IQSEC2: variants seen among roughly 807,000 people sequenced by gnomAD.
IQSEC2 encodes the protein IQ motif and SEC7 domain-containing protein 2.
IQSEC2 carries 6 observed loss-of-function variants against 74.6 expected under a neutral mutation model. The observed-to-expected ratio is 0.08, with a 90% CI of 0.04 to 0.16. The LOEUF (loss-of-function observed/expected upper bound fraction) is 0.16, where lower values mean the gene tolerates loss of function less well. Among genes scored for constraint, IQSEC2 ranks in the 10% least tolerant of loss-of-function variants. IQSEC2 has a pLI of 1.00. For synonymous variants in IQSEC2, 494 were observed against 544.5 expected, an observed-to-expected ratio of 0.91 and a Z score of 1.29; for missense variants, 734 against 1,306.2, an observed-to-expected ratio of 0.56 and a Z score of 6.75.
chrX:53,302,023 C>A (rs183786294), intron 1 of IQSEC2, among the ~76,000 whole-genome samples: 66 of 112,216 alleles, frequency 5.9e-4, no homozygotes, highest in Admixed American at 5.0e-3. Flanking sequence ...TCCAGCTATG[C>A]GATTTATGAC....
chrX:53,266,739 G>C, intron 2 of IQSEC2: 8 of 970,476 alleles, frequency 8.2e-6, no homozygotes, highest in Non-Finnish European at 1.0e-5. Context: ...TCGGACCTAG[G>C]GCTCCAGCTC....
At chrX:53,282,028 C>T (rs1337837850) in intron 2 of IQSEC2, among the ~76,000 whole-genome samples, 1 of 112,297 alleles carries the variant, frequency 8.9e-6, no homozygotes, top group Non-Finnish European at 1.9e-5. Context: ...ATTTTCAGCA[C>T]AGTTAAAGAG....
chrX:53,228,409 G>A (rs782605229), downstream of IQSEC2, among the ~76,000 whole-genome samples: 8 of 111,440 alleles, frequency 7.2e-5, no homozygotes, highest in African/African-American at 2.6e-4. Context: ...GGGGACAACC[G>A]GAGTCTAGAC....
At chrX:53,310,847 G>A (rs1294651930) in intron 1 of IQSEC2, among the ~76,000 whole-genome samples, 1 of 110,080 alleles carries the variant, frequency 9.1e-6, no homozygotes, top group Non-Finnish European at 1.9e-5. Flanking sequence ...TGCACTGGGC[G>A]CAGTGGCTCA....
chrX:53,310,803 G>A, intron 1 of IQSEC2, among the ~76,000 whole-genome samples: 1 of 110,794 alleles, frequency 9.0e-6, no homozygotes, highest in Non-Finnish European at 1.9e-5. Context: ...GCCTGAGCTA[G>A]GGGGAGAAAG....
rs1486562290 is a variant in IQSEC2 at position 53,321,320 on chromosome X, T to TGCC, written c.-200_-198dup. 2 of 257,377 alleles carry TGCC rather than the reference T, an allele frequency of 7.8e-6. No homozygotes were observed. The highest frequency in any genetic ancestry group is 3.0e-5 in the African/African-American group (1 of 33,728). The allele number at this position is 257,377 out of a possible 1,213,427, so 21.2% of individuals were successfully genotyped here. On this transcript the variant is annotated 5_prime_UTR_variant, in exon 1 of 15. Transcript: ENST00000642864. Reference sequence around the variant, plus strand: ...CGGCACGGGGAGCAGGAGCTGAGGCTGCCGCCGCCACCACCACCACCACAG... The same window carrying TGCC: ...CGGCACGGGGAGCAGGAGCTGAGGCTGCCGCCGCCGCCACCACCACCACCACAG...
chrX:53,243,363 G>A lies in IQSEC2; in HGVS notation c.2858C>T (p.Ala953Val), dbSNP rs1556861322. 8.6e-7 allele frequency: 1 copy of A among 1,167,010 alleles called. No individual in the cohort carries two copies. The highest frequency in any genetic ancestry group is 3.3e-5 in the East Asian group (1 of 30,739). ...CTTTCCAACAATCATGCGCTCCACAGCCTGCACCTGGGACACATGGTCATC... is the reference window on the plus strand; with the variant it reads ...CTTTCCAACAATCATGCGCTCCACAACCTGCACCTGGGACACATGGTCATC... ...TNDDHVSQVQ[A>V]VERMIVGKKP... is the part of the protein sequence containing the mutation. The change falls in exon 9 of 15, where the codon GCT becomes GTT. Residue 953 changes from alanine (A) to valine (V), a missense_variant. By Grantham distance (64) the Ala-to-Val change is moderately conservative. Coordinates refer to ENST00000642864, the MANE Select transcript of IQSEC2 (RefSeq NM_001111125.3).
intron 8 of IQSEC2, among the ~76,000 whole-genome samples, chrX:53,244,362 C>CA (rs2074270652): frequency 9.1e-6 from 1 of 110,066 alleles, no homozygotes; most frequent in Admixed American, 9.7e-5. Context: ...CCCATCTCTA[C>CA]AAAAAATACA....
In IQSEC2 at chrX:53,252,428, A is replaced by T. The variant is rs782181138; in HGVS notation, c.1402-1254T>A. ...TTTTTAAAAATTTAAAACATTAAAAAAAATTTTTTTAATGACTGCAGCTTG... is the reference window on the plus strand; with the variant it reads ...TTTTTAAAAATTTAAAACATTAAAATAAATTTTTTTAATGACTGCAGCTTG... On this transcript the variant is annotated intron_variant, in intron 4 of 14. Coordinates refer to ENST00000642864, the MANE Select transcript of IQSEC2 (RefSeq NM_001111125.3). Among the ~76,000 whole-genome samples the T allele has an allele frequency of 3.6e-5, 4 of 111,729 alleles. No homozygotes were observed. The South Asian group carries it at 1.5e-3, about 42-fold the overall frequency.
chrX:53,271,000 T>C (rs1288142198), intron 2 of IQSEC2, among the ~76,000 whole-genome samples: 5 of 110,678 alleles, frequency 4.5e-5, no homozygotes, highest in Non-Finnish European at 9.4e-5. Flanking sequence ...ACTTTTCATC[T>C]TTTCCTATTC....
At chrX:53,278,515 T>G (rs1317574437) in intron 2 of IQSEC2, among the ~76,000 whole-genome samples, 1 of 112,403 alleles carries the variant, frequency 8.9e-6, no homozygotes, top group Non-Finnish European at 1.9e-5. Flanking sequence ...TGTTTTCCAT[T>G]TCATTAATTT....
intron 3 of IQSEC2, 32 bp from the exon 4 acceptor site, chrX:53,254,963 A>C: frequency 8.4e-7 from 1 of 1,195,531 alleles, no homozygotes; most frequent in African/African-American, 1.7e-5. Flanking sequence ...GAACAAGGTC[A>C]GAAAGTCATG....
At chrX:53,292,039 G>C (rs2075105669) in intron 1 of IQSEC2, 115 bp from the exon 2 acceptor site, 5 of 575,675 alleles carry the variant, frequency 8.7e-6, no homozygotes, top group Non-Finnish European at 1.4e-5. Flanking sequence ...TCACAAAAAT[G>C]AGGGGAAGGG....
At position 53,250,592 on chromosome X, in the gene IQSEC2, G is replaced by A. The variant is rs2074370598; in HGVS notation, c.1984C>T (p.Leu662=). 8.3e-7 allele frequency: 1 copy of A among 1,209,640 alleles called. No homozygotes were observed. Among genetic ancestry groups the A allele is most frequent in the Non-Finnish European group, 1.1e-6 (1 of 894,231 alleles). ...GTGCCACTGTTGGGGGCTGGTGGCA[G>A]GGGCCCTGGTGGGGCTGGGGCTGGG... The part of the protein sequence containing the change: ...EGPAPAPPGP[L]PPAPNSGTGP... Residue 662 remains leucine (L), a synonymous_variant, in exon 5 of 15, where the codon CTG becomes TTG. Transcript: ENST00000642864.
chrX:53,312,036 CTGTT>C (rs1363733984), intron 1 of IQSEC2, among the ~76,000 whole-genome samples: 2 of 111,914 alleles, frequency 1.8e-5, no homozygotes, highest in Admixed American at 9.5e-5. Context: ...GCGAGTCTCT[CTGTT>C]TGTGCTCTAG....
intron 10 of IQSEC2, chrX:53,239,601 T>C (rs990722162): frequency 3.6e-6 from 1 of 275,458 alleles, no homozygotes; most frequent in Non-Finnish European, 6.7e-6. Context: ...AAACCCCTTT[T>C]CTGAGCTCCA....
intron 1 of IQSEC2, among the ~76,000 whole-genome samples, chrX:53,318,217 C>T (rs1330797603): frequency 1.8e-5 from 2 of 112,190 alleles, no homozygotes; most frequent in Non-Finnish European, 3.8e-5. Flanking sequence ...ACACTCACTG[C>T]AGAAGGCTTG....
intron 1 of IQSEC2, among the ~76,000 whole-genome samples, chrX:53,311,378 C>A (rs1037530508): frequency 1.8e-5 from 2 of 110,082 alleles, no homozygotes; most frequent in Non-Finnish European, 3.8e-5. Flanking sequence ...ATGAACGCTG[C>A]CACTCCTCTG....
In IQSEC2 at chrX:53,320,973, G is replaced by C. The variant is rs1418429478; in HGVS notation, c.151C>G (p.Leu51Val). The C allele has an allele frequency of 1.7e-5, 20 of 1,158,242 alleles. No individual in the cohort carries two copies. Among genetic ancestry groups the C allele is most frequent in the Non-Finnish European group, 1.9e-5 (17 of 871,937 alleles). ...CGGTTCTCCTGGGTGAGCTGGTCCA[G>C]CTGGCCCTCCAGCTCCTCGATGCGC... ...RRRIEELEGQ[L>V]DQLTQENRDL... The change falls in exon 1 of 15, where the codon CTG becomes GTG. Residue 51 changes from leucine (L) to valine (V), a missense_variant. Transcript: ENST00000642864.
Sources: allele counts gnomAD v4.1 joint callset (sites outside exome capture counted in the v4.1 genomes callset), GRCh38; gene constraint gnomAD v4.1.1; transcripts MANE v1.5; gene names NCBI Gene and HGNC (gene_info 2026-07-23, HGNC 2026-07-21).